Variants in SIK2 observed in about 807,000 individuals in gnomAD.
SIK2 encodes serine/threonine-protein kinase SIK2.
A neutral mutation model predicts 103.2 loss-of-function variants in SIK2; 29 were observed. The observed-to-expected ratio is 0.28, with a 90% CI of 0.21 to 0.38. The LOEUF (loss-of-function observed/expected upper bound fraction) is 0.38, where lower values mean the gene tolerates loss of function less well. Ranked by LOEUF, SIK2 falls within the 10% of genes least tolerant of loss-of-function variation. The pLI is 1.00. For missense variants in SIK2, 879 were observed against 1,171.0 expected (o/e 0.75, Z 3.64); for synonymous variants, 412 against 446.1 (o/e 0.92, Z 0.96).
At chr11:111,668,399 G>A (rs1344226150) in intron 3 of SIK2, among the ~76,000 whole-genome samples, 1 of 152,086 alleles carries the variant, frequency 6.6e-6, no homozygotes, top group Non-Finnish European at 1.5e-5. Context: ...AAATAATGTT[G>A]CACTGAACAA....
intron 3 of SIK2, among the ~76,000 whole-genome samples, chr11:111,640,250 TC>T (rs1942163274): frequency 6.6e-6 from 1 of 152,200 alleles, no homozygotes; most frequent in African/African-American, 2.4e-5. Flanking sequence ...GTCCATCAGT[TC>T]CTTTTGTTCT....
chr11:111,602,662 G>C lies in SIK2; in HGVS notation c.99G>C (p.Val33=). 6.5e-7 allele frequency: 1 copy of C among 1,531,308 alleles called. No homozygotes were observed. 94.9% of individuals were successfully genotyped at this position (1,531,308 alleles called of 1,614,324 possible). Residue 33 remains valine (V), a synonymous_variant, in exon 1 of 15, where the codon GTG becomes GTC. Coordinates refer to ENST00000304987, the MANE Select transcript of SIK2 (RefSeq NM_015191.3). This position sits in a 1 kb window ranked among gnomAD's most constrained non-coding sequence, Gnocchi z 4.5. ...CGCTGGGCAAGGGCAACTTCGCTGT[G>C]GTGAAGCTGGGGCGGCACCGGATCA... The part of the protein sequence containing the change: ...EGTLGKGNFA[V]VKLGRHRITK...
intron 3 of SIK2, among the ~76,000 whole-genome samples, chr11:111,682,106 T>G (rs1327158484): frequency 6.6e-6 from 1 of 152,212 alleles, no homozygotes; most frequent in Non-Finnish European, 1.5e-5. Flanking sequence ...CTCCCAGTAC[T>G]TACTGACCAA....
At chr11:111,642,606 A>C (rs1942197200) in intron 3 of SIK2, among the ~76,000 whole-genome samples, 1 of 152,150 alleles carries the variant, frequency 6.6e-6, no homozygotes, top group Non-Finnish European at 1.5e-5. Flanking sequence ...GTATTTATGG[A>C]GGTCTCATTA....
Position 111,688,598 on chromosome 11 carries a change from A to G in SIK2, c.478+436A>G, listed in dbSNP as rs547723357. ...AGGTAGAATGAGAAATAGTTGAGAC[A>G]GAAAAGCACCTTTCCTTGATCTGAT... On this transcript the variant is annotated intron_variant, in intron 4 of 14. Transcript: ENST00000304987. The surrounding 1 kb of genome is among the most constrained non-coding windows in gnomAD (Gnocchi z 4.2). 3.9e-5 allele frequency among the ~76,000 whole-genome samples: 6 copies of G among 152,262 alleles called. No homozygotes were observed. The highest frequency in any genetic ancestry group is 8.8e-5 in the Non-Finnish European group (6 of 68,054).
At chr11:111,652,487 A>T (rs1942340051) in intron 3 of SIK2, among the ~76,000 whole-genome samples, 1 of 152,122 alleles carries the variant, frequency 6.6e-6, no homozygotes, top group Non-Finnish European at 1.5e-5. Flanking sequence ...ATACCACTCC[A>T]ATTTTGAGCA....
At chr11:111,718,289 T>C (rs1466884811) in intron 9 of SIK2, among the ~76,000 whole-genome samples, 1 of 152,220 alleles carries the variant, frequency 6.6e-6, no homozygotes, top group East Asian at 1.9e-4. Flanking sequence ...GAATGTAAGT[T>C]CTCAAACAGC....
intron 3 of SIK2, chr11:111,672,334 G>A: frequency 4.4e-6 from 2 of 456,780 alleles, no homozygotes; most frequent in Non-Finnish European, 7.4e-6. Flanking sequence ...GCTCGTGGAG[G>A]AGCAGCTGCT....
Position 111,724,366 on chromosome 11 carries a change from C to T in SIK2, c.*237C>T, listed in dbSNP as rs1943902634. The T allele has an allele frequency of 3.6e-6, 2 of 562,742 alleles. No individual in the cohort carries two copies. Among genetic ancestry groups the T allele is most frequent in the Non-Finnish European group, 6.2e-6 (2 of 323,284 alleles). The allele number at this position is 562,742 out of a possible 1,614,324, so 34.9% of individuals were successfully genotyped here. A position where few individuals can be genotyped will look rare whatever the true frequency, so the allele number is the denominator to read the frequency against. ...ACATAGTTGTAGGCTGAGGCTCCTGCCCTTCGGTCGAGTGGAGCAAGCTCT... is the reference window on the plus strand; with the variant it reads ...ACATAGTTGTAGGCTGAGGCTCCTGTCCTTCGGTCGAGTGGAGCAAGCTCT... On this transcript the variant is annotated 3_prime_UTR_variant, in exon 15 of 15. Transcript: ENST00000304987.
chr11:111,717,208 C>T (rs930461055), intron 9 of SIK2, among the ~76,000 whole-genome samples: 19 of 146,086 alleles, frequency 1.3e-4, no homozygotes, highest in African/African-American at 2.3e-4. Flanking sequence ...CCCAGCTACT[C>T]GGGAGGCTGA....
In SIK2 at chr11:111,705,170, G is replaced by A. The variant is rs1459397426; in HGVS notation, c.1101+31G>A. On this transcript the variant is annotated intron_variant, in intron 8 of 14. Transcript: ENST00000304987. This position sits in a 1 kb window ranked among gnomAD's most constrained non-coding sequence, Gnocchi z 4.3. ...GCCCCCTTAGCTGAGAGTCTTATCT[G>A]TGCATGTGCCTGTTCACATGTTTGA... 1 of 1,515,312 alleles carries A rather than the reference G, an allele frequency of 6.6e-7. No homozygotes were observed. Among genetic ancestry groups the A allele is most frequent in the Non-Finnish European group, 8.8e-7 (1 of 1,141,896 alleles). The allele number at this position is 1,515,312 out of a possible 1,614,324, so 93.9% of individuals were successfully genotyped here.
chr11:111,713,771 A>G (rs1470327877), intron 9 of SIK2, among the ~76,000 whole-genome samples: 1 of 152,362 alleles, frequency 6.6e-6, no homozygotes, highest in African/African-American at 2.4e-5. Context: ...GTTCAAGACC[A>G]GCGTGGCCAA....
intron 3 of SIK2, among the ~76,000 whole-genome samples, chr11:111,637,508 G>A (rs1169559571): frequency 7.1e-6 from 1 of 141,478 alleles, no homozygotes; most frequent in Non-Finnish European, 1.5e-5. Flanking sequence ...CACCCAGGCT[G>A]GAGTGCGGTG....
intron 8 of SIK2, 116 bp from the exon 9 acceptor site, chr11:111,712,094 TA>T: frequency 9.0e-7 from 1 of 1,106,342 alleles, no homozygotes; most frequent in South Asian, 1.5e-5. Flanking sequence ...GAGTTTCCAA[TA>T]AATAAATATT....
chr11:111,715,254 C>T (rs745720393), intron 9 of SIK2, among the ~76,000 whole-genome samples: 1 of 152,194 alleles, frequency 6.6e-6, no homozygotes, highest in African/African-American at 2.4e-5. Flanking sequence ...TCAGCAAAAA[C>T]GCTTGTCCCT....
chr11:111,679,498 C>T (rs1451668003), intron 3 of SIK2, among the ~76,000 whole-genome samples: 1 of 152,074 alleles, frequency 6.6e-6, no homozygotes, highest in African/African-American at 2.4e-5. Flanking sequence ...TATGTGCTTA[C>T]AAAAACAAAC....
rs1253217087 is a variant in SIK2 at position 111,651,075 on chromosome 11, T to C, written c.316+30673T>C. On this transcript the variant is annotated intron_variant, in intron 3 of 14. Coordinates refer to ENST00000304987, the MANE Select transcript of SIK2 (RefSeq NM_015191.3). ...TTAAGTTTTCTCAAGCTACATATTC[T>C]TTACTGAGATGCTTAATATTTCACA... is the stretch of plus-strand genomic sequence containing the variant. 1.3e-5 allele frequency among the ~76,000 whole-genome samples: 2 copies of C among 152,192 alleles called. 1 individual carries two copies. The highest frequency in any genetic ancestry group is 4.8e-5 in the African/African-American group (2 of 41,450).
intron 4 of SIK2, among the ~76,000 whole-genome samples, chr11:111,694,677 CGTAAAAA>C (rs1565363292): frequency 1.3e-5 from 2 of 152,074 alleles, no homozygotes; most frequent in Admixed American, 6.5e-5. Context: ...ACTAGCATTA[CGTAAAAA>C]GTAAAAAGAG....
In SIK2 at chr11:111,715,174, C is replaced by T. The variant is rs45449407; in HGVS notation, c.1266+2799C>T. 9.2e-3 allele frequency among the ~76,000 whole-genome samples: 1,399 copies of T among 152,352 alleles called. 11 individuals are homozygous for T. Among genetic ancestry groups the T allele is most frequent in the Non-Finnish European group, 0.016 (1,122 of 68,038 alleles). Reference sequence around the variant, plus strand: ...CGCTGGAGCTGGTCACCCACACTGGCAATGCCATGCTGGCACTCAGTCAGG... The same window carrying T: ...CGCTGGAGCTGGTCACCCACACTGGTAATGCCATGCTGGCACTCAGTCAGG... On this transcript the variant is annotated intron_variant, in intron 9 of 14. Transcript: ENST00000304987.
Sources: allele counts gnomAD v4.1 joint callset (sites outside exome capture counted in the v4.1 genomes callset), GRCh38; gene constraint gnomAD v4.1.1; non-coding constraint Gnocchi (gnomAD v3.1); transcripts MANE v1.5; gene names NCBI Gene and HGNC (gene_info 2026-07-23, HGNC 2026-07-21).